RBMS3: variants seen among roughly 807,000 people sequenced by gnomAD.
RBMS3 encodes RNA binding motif single stranded interacting protein 3.
In RBMS3, 27 loss-of-function variants were observed where a neutral mutation model predicts 66.8. The ratio of observed to expected loss-of-function variants is 0.40; its 90% CI spans 0.30 to 0.56. The LOEUF (loss-of-function observed/expected upper bound fraction) is 0.56. Among genes scored for constraint, RBMS3 ranks in the 20% least tolerant of loss-of-function variants. RBMS3 has a pLI of 0.40. For synonymous variants in RBMS3, 188 were observed against 183.0 expected (o/e 1.03, Z -0.22); for missense variants, 513 against 549.5 (o/e 0.93, Z 0.66).
intron 1 of RBMS3, among the ~76,000 whole-genome samples, chr3:29,299,078 G>A (rs1575493658): frequency 6.6e-6 from 1 of 151,974 alleles, no homozygotes; most frequent in East Asian, 1.9e-4. Flanking sequence ...GAAAGGGCAA[G>A]GACTGTTGGA....
intron 12 of RBMS3, among the ~76,000 whole-genome samples, chr3:29,979,657 A>C (rs189778439): frequency 6.6e-6 from 1 of 151,490 alleles, no homozygotes. Context: ...TCATTGTTCA[A>C]CTCCCACTTA....
chr3:29,318,501 T>G (rs1477564643), intron 1 of RBMS3, among the ~76,000 whole-genome samples: 2 of 151,842 alleles, frequency 1.3e-5, no homozygotes, highest in African/African-American at 4.8e-5. Context: ...GAATGCAAGG[T>G]CCTTACTGTT....
At chr3:29,761,176 G>T (rs992894803) in intron 5 of RBMS3, among the ~76,000 whole-genome samples, 1 of 152,092 alleles carries the variant, frequency 6.6e-6, no homozygotes, top group African/African-American at 2.4e-5. Context: ...TGTGTGTGAA[G>T]ACATAGGCCT....
chr3:29,655,067 CTT>C (rs1452483523), intron 4 of RBMS3, among the ~76,000 whole-genome samples: 1 of 152,164 alleles, frequency 6.6e-6, no homozygotes, highest in African/African-American at 2.4e-5. Flanking sequence ...TCCCCTTACT[CTT>C]TCTTCCTCAG....
At chr3:29,921,351 C>T (rs559092032) in intron 10 of RBMS3, among the ~76,000 whole-genome samples, 12 of 152,008 alleles carry the variant, frequency 7.9e-5, no homozygotes, top group Admixed American at 6.5e-5. Context: ...GACATCGAGC[C>T]GCAGCACCTG....
At chr3:29,507,984 C>T (rs1325749678) in intron 3 of RBMS3, among the ~76,000 whole-genome samples, 2 of 151,810 alleles carry the variant, frequency 1.3e-5, no homozygotes, top group African/African-American at 4.8e-5. Flanking sequence ...CTCATTTTTT[C>T]AATAATGAGA....
chr3:29,840,660 A>T (rs904759035), intron 6 of RBMS3, among the ~76,000 whole-genome samples: 3 of 152,048 alleles, frequency 2.0e-5, no homozygotes, highest in African/African-American at 7.2e-5. Context: ...CTCAGACCAC[A>T]CTTTGAGAAC....
At chr3:29,575,999 C>A (rs2047106931) in intron 3 of RBMS3, among the ~76,000 whole-genome samples, 1 of 152,072 alleles carries the variant, frequency 6.6e-6, no homozygotes, top group Non-Finnish European at 1.5e-5. Context: ...CAGGATTAGT[C>A]CTTCATGCAT....
intron 1 of RBMS3, among the ~76,000 whole-genome samples, chr3:29,283,570 T>C (rs1157832261): frequency 6.6e-6 from 1 of 152,094 alleles, no homozygotes; most frequent in East Asian, 1.9e-4. Context: ...TTTGGAGTTC[T>C]ATGTAGTTTA....
chr3:29,459,880 G>A (rs2042317168), intron 2 of RBMS3, among the ~76,000 whole-genome samples: 1 of 152,216 alleles, frequency 6.6e-6, no homozygotes, highest in Admixed American at 6.5e-5. Context: ...TAGAGTTAGA[G>A]TGTGCATTGA....
chr3:29,454,782 T>G (rs1226967127), intron 2 of RBMS3, among the ~76,000 whole-genome samples: 1 of 152,190 alleles, frequency 6.6e-6, no homozygotes, highest in Non-Finnish European at 1.5e-5. Flanking sequence ...CAAGAAACCT[T>G]AATGTTGTAG....
intron 4 of RBMS3, among the ~76,000 whole-genome samples, chr3:29,670,273 T>A (rs997467306): frequency 7.2e-5 from 11 of 152,146 alleles, no homozygotes; most frequent in African/African-American, 2.7e-4. Context: ...GTTAAGAAAC[T>A]AGTAGGCTTC....
intron 4 of RBMS3, among the ~76,000 whole-genome samples, chr3:29,668,004 C>T (rs867545169): frequency 5.3e-5 from 8 of 152,002 alleles, no homozygotes; most frequent in Middle Eastern, 3.2e-3. Flanking sequence ...TATCTTTGAA[C>T]GATACAATTA....
At chr3:29,695,410 ACTT>A (rs1204134710) in intron 4 of RBMS3, among the ~76,000 whole-genome samples, 2 of 152,172 alleles carry the variant, frequency 1.3e-5, no homozygotes, top group Non-Finnish European at 2.9e-5. Context: ...CTCACTGCGA[ACTT>A]CTTAGAACTC....
chr3:29,534,610 C>T (rs543670493), intron 3 of RBMS3, among the ~76,000 whole-genome samples: 3 of 152,158 alleles, frequency 2.0e-5, no homozygotes, highest in South Asian at 4.2e-4. Context: ...TTTAAGATGG[C>T]CTATTTTAGA....
intron 2 of RBMS3, among the ~76,000 whole-genome samples, chr3:29,445,331 G>A (rs994935884): frequency 2.0e-5 from 2 of 100,870 alleles, no homozygotes; most frequent in Non-Finnish European, 4.5e-5. Context: ...GAGTTTTGAA[G>A]GGAAGCCTCA....
intron 4 of RBMS3, among the ~76,000 whole-genome samples, chr3:29,680,453 A>G (rs1293821395): frequency 6.6e-6 from 1 of 152,182 alleles, no homozygotes; most frequent in African/African-American, 2.4e-5. Context: ...TTTATGAAAA[A>G]GAAAATCAAG....
At chr3:29,900,211 T>C (rs1315691808) in intron 10 of RBMS3, among the ~76,000 whole-genome samples, 1 of 151,762 alleles carries the variant, frequency 6.6e-6, no homozygotes, top group Non-Finnish European at 1.5e-5. Flanking sequence ...TAGGGACAAT[T>C]TGGAGTATCA....
intron 2 of RBMS3, among the ~76,000 whole-genome samples, chr3:29,448,243 A>G (rs2041900545): frequency 6.6e-6 from 1 of 152,206 alleles, no homozygotes; most frequent in Non-Finnish European, 1.5e-5. Context: ...TCAAGTATGA[A>G]CTTGAAATGA....
Sources: allele counts gnomAD v4.1 joint callset (sites outside exome capture counted in the v4.1 genomes callset), GRCh38; gene constraint gnomAD v4.1.1; transcripts MANE v1.5; gene names NCBI Gene and HGNC (gene_info 2026-07-23, HGNC 2026-07-21).